PEPD: variants seen among roughly 807,000 people sequenced by gnomAD.
PEPD encodes xaa-Pro dipeptidase.
A neutral mutation model predicts 60.7 loss-of-function variants in PEPD; 53 were observed. That is an observed-to-expected ratio of 0.87 (90% CI 0.70 to 1.10). PEPD has a LOEUF of 1.10. PEPD is among the 50% of genes least tolerant of loss of function. The pLI is 0.00. For synonymous variants in PEPD, 267 were observed against 284.1 expected (o/e 0.94, Z 0.60); for missense variants, 711 against 711.9 (o/e 1.00, Z 0.01).
At chr19:33,469,032 C>T (rs1271374732) in intron 7 of PEPD, among the ~76,000 whole-genome samples, 1 of 152,190 alleles carries the variant, frequency 6.6e-6, no homozygotes, top group Non-Finnish European at 1.5e-5. Context: ...TCTATGACGC[C>T]AGCCCGGGGA....
intron 4 of PEPD, among the ~76,000 whole-genome samples, chr19:33,500,455 G>C (rs1223072815): frequency 6.6e-6 from 1 of 152,180 alleles, no homozygotes; most frequent in Non-Finnish European, 1.5e-5. Flanking sequence ...CAGGCCACAC[G>C]ACACCTGCTG....
intron 7 of PEPD, among the ~76,000 whole-genome samples, chr19:33,472,052 T>A (rs1428373384): frequency 3.3e-5 from 5 of 151,746 alleles, no homozygotes; most frequent in Non-Finnish European, 4.4e-5. Context: ...TCCCAGCTAC[T>A]CGGGAGGCTG....
intron 12 of PEPD, among the ~76,000 whole-genome samples, chr19:33,393,368 G>C (rs1968277169): frequency 6.6e-6 from 1 of 152,012 alleles, no homozygotes; most frequent in African/African-American, 2.4e-5. Flanking sequence ...CCTGTATCTG[G>C]GGCAGCCCTG....
intron 13 of PEPD, chr19:33,388,972 G>T (rs1441399995): frequency 1.3e-5 from 2 of 152,576 alleles, no homozygotes; most frequent in African/African-American, 4.8e-5. Flanking sequence ...CTGAGCCAGT[G>T]GGCACGAGTA....
At chr19:33,388,284 G>A (rs1328755452) in intron 13 of PEPD, 9 of 695,112 alleles carry the variant, frequency 1.3e-5, no homozygotes, top group Non-Finnish European at 2.1e-5. Flanking sequence ...CCTGGATCTT[G>A]AGTGTCCCTG....
chr19:33,501,143 C>T (rs1417617936), intron 3 of PEPD, 142 bp from the exon 4 acceptor site: 17 of 718,012 alleles, frequency 2.4e-5, no homozygotes, highest in Admixed American at 1.2e-4. Flanking sequence ...CACCCGGCAC[C>T]GAACAGGTCG....
At position 33,504,110 on chromosome 19, in the gene PEPD, C is replaced by T. The variant is rs909849670; in HGVS notation, c.330-3109G>A. 2.6e-5 allele frequency among the ~76,000 whole-genome samples: 4 copies of T among 152,212 alleles called. No homozygotes were observed. The East Asian group carries it at 5.8e-4, about 22-fold the overall frequency. Reference sequence around the variant, plus strand: ...GTGCATTGCATTCTCTTTTAAAGGGCAGAGATAATTAAGTTTAGATAGTAC... The same window carrying T: ...GTGCATTGCATTCTCTTTTAAAGGGTAGAGATAATTAAGTTTAGATAGTAC... On this transcript the variant is annotated intron_variant, in intron 3 of 14. Coordinates refer to ENST00000244137, the MANE Select transcript of PEPD (RefSeq NM_000285.4).
intron 9 of PEPD, among the ~76,000 whole-genome samples, chr19:33,421,350 A>T (rs1969013591): frequency 6.6e-6 from 1 of 152,172 alleles, no homozygotes; most frequent in Non-Finnish European, 1.5e-5. Flanking sequence ...ATGGGGCCCA[A>T]ACTGGGCTGA....
In PEPD at chr19:33,511,129, A is replaced by C. The variant is rs1268001472; in HGVS notation, c.228T>G (p.Gly76=). 1.2e-6 allele frequency: 2 copies of C among 1,613,898 alleles called. No homozygotes were observed. The highest frequency in any genetic ancestry group is 2.7e-5 in the African/African-American group (2 of 74,898). ...RQESFFHWAF[G]VTEPGCYGVI... ...CACCATAGCAGCCTGGCTCAGTGACACCGAACGCCCAGTGAAAGAAGGACT... is the reference window on the plus strand; with the variant it reads ...CACCATAGCAGCCTGGCTCAGTGACCCCGAACGCCCAGTGAAAGAAGGACT... Residue 76 remains glycine, a synonymous_variant, in exon 3 of 15, where the codon GGT becomes GGG. Transcript: ENST00000244137.
intron 4 of PEPD, among the ~76,000 whole-genome samples, chr19:33,498,234 T>C (rs1441950621): frequency 6.6e-6 from 1 of 152,136 alleles, no homozygotes; most frequent in Non-Finnish European, 1.5e-5. Flanking sequence ...GCAGTGGCGT[T>C]GACGGGGTGC....
chr19:33,391,326 A>G lies in PEPD; in HGVS notation c.1121T>C (p.Ile374Thr), dbSNP rs1392213156. Residue 374 changes from isoleucine to threonine, a missense_variant, in exon 13 of 15, where the codon ATT (isoleucine) becomes ACT (threonine). By Grantham distance (89) the Ile-to-Thr change is moderately conservative. Transcript: ENST00000244137. ...MPHGLGHFLG[I>T]DVHDVGGYPE... ...GTAGCCTCCCACGTCGTGCACGTCA[A>G]TGCCCAGGAAGTGGCCAAGCCCGTG... 1 of 1,612,122 alleles carries G rather than the reference A, an allele frequency of 6.2e-7. No individual in the cohort carries two copies. The highest frequency in any genetic ancestry group is 8.5e-7 in the Non-Finnish European group (1 of 1,179,640).
rs370105932 is a variant in PEPD at position 33,490,007 on chromosome 19, G to A, written c.492C>T (p.Asp164=). ...SGSVCREASF[D]GISKFEVNNT... is the part of the protein sequence containing the mutation. ...GGCCCAGGACTCACTTGCTGATGCCGTCAAAGGAGGCCTCCCTGCAGACAC... is the reference window on the plus strand; with the variant it reads ...GGCCCAGGACTCACTTGCTGATGCCATCAAAGGAGGCCTCCCTGCAGACAC... Residue 164 remains aspartate, a synonymous_variant, in exon 6 of 15, where the codon GAC becomes GAT. Coordinates refer to ENST00000244137, the MANE Select transcript of PEPD (RefSeq NM_000285.4). The A allele has an allele frequency of 6.9e-5, 111 of 1,606,598 alleles. No individual in the cohort carries two copies. Among genetic ancestry groups the A allele is most frequent in the African/African-American group, 1.3e-4 (10 of 74,950 alleles).
At chr19:33,406,118 G>A (rs1368137425) in intron 11 of PEPD, among the ~76,000 whole-genome samples, 2 of 152,254 alleles carry the variant, frequency 1.3e-5, no homozygotes, top group South Asian at 4.1e-4. Context: ...AGTGGGGTGA[G>A]GCCCGGGCGT....
At chr19:33,454,063 G>A (rs1211641245) in intron 9 of PEPD, among the ~76,000 whole-genome samples, 2 of 152,264 alleles carry the variant, frequency 1.3e-5, no homozygotes, top group East Asian at 3.9e-4. Flanking sequence ...TCCAATAAAA[G>A]GAACCGGGCT....
At chr19:33,424,997 CAAACA>C (rs1394836865) in intron 9 of PEPD, among the ~76,000 whole-genome samples, 1 of 117,518 alleles carries the variant, frequency 8.5e-6, no homozygotes, top group Non-Finnish European at 2.0e-5. Context: ...AACAAAAAAA[CAAACA>C]ACAACAACAA....
At chr19:33,435,593 C>T (rs1969360193) in intron 9 of PEPD, among the ~76,000 whole-genome samples, 1 of 152,246 alleles carries the variant, frequency 6.6e-6, no homozygotes, top group Admixed American at 6.5e-5. Context: ...GTGCTGGGGT[C>T]CCTGGGCCCT....
At chr19:33,492,363 G>A (rs949341257) in intron 5 of PEPD, among the ~76,000 whole-genome samples, 5 of 152,118 alleles carry the variant, frequency 3.3e-5, no homozygotes, top group African/African-American at 7.2e-5. Flanking sequence ...CAGAGGGTGG[G>A]AATAAACTTT....
At chr19:33,464,145 T>A in intron 7 of PEPD, 83 bp from the exon 8 acceptor site, 1 of 951,064 alleles carries the variant, frequency 1.1e-6, no homozygotes, top group East Asian at 2.4e-5. Context: ...GCTCAGGGCC[T>A]ACCACACCCT....
intron 9 of PEPD, among the ~76,000 whole-genome samples, chr19:33,454,490 TA>T (rs1234956072): frequency 6.6e-6 from 1 of 151,918 alleles, no homozygotes; most frequent in Non-Finnish European, 1.5e-5. Context: ...TAACCCCAGC[TA>T]CTCGAGCGGC....
Sources: gnomAD v4.1 joint callset for allele counts (sites outside exome capture counted in the v4.1 genomes callset) on GRCh38, gnomAD v4.1.1 for gene constraint, MANE v1.5 for transcripts, NCBI Gene and HGNC (gene_info 2026-07-23, HGNC 2026-07-21) for gene names.